The following N4BP2L2 variants were observed in gnomAD, a reference collection of about 807,000 sequenced individuals.
N4BP2L2 encodes the protein NEDD4 binding protein 2 like 2, also known as NEDD4-binding protein 2-like 2.
Under a neutral mutation model 56.2 loss-of-function variants are expected in N4BP2L2, and 50 were observed. That is an observed-to-expected ratio of 0.89 (90% confidence interval 0.71 to 1.13). N4BP2L2 has a LOEUF of 1.13. Among genes scored for constraint, N4BP2L2 ranks in the 50% most tolerant of loss-of-function variants. The pLI is 0.00. For synonymous variants in N4BP2L2, 203 were observed against 223.6 expected, an observed-to-expected ratio of 0.91 and a Z score of 0.82; for missense variants, 689 against 693.8, an observed-to-expected ratio of 0.99 and a Z score of 0.08.
chr13:32,446,645 T>C (rs185544439), intron 6 of N4BP2L2: 1 of 510,680 alleles, frequency 2.0e-6, no homozygotes, highest in East Asian at 1.5e-4. Flanking sequence ...AACAGCTCTC[T>C]ACTGTACAAA....
At chr13:32,537,633 G>A (rs935678789) in intron 1 of N4BP2L2, among the ~76,000 whole-genome samples, 1 of 152,256 alleles carries the variant, frequency 6.6e-6, no homozygotes, top group Admixed American at 6.5e-5. Flanking sequence ...GTTCCTAAAT[G>A]GGTATAGTGT....
At chr13:32,498,987 TA>T (rs34972549) in intron 6 of N4BP2L2, among the ~76,000 whole-genome samples, 54,651 of 87,142 alleles carry the variant, frequency 0.63, 15,250 homozygotes, top group Non-Finnish European at 0.67. Flanking sequence ...AGACTCTGTC[TA>T]AAAAAAAAAA....
chr13:32,493,006 T>A (rs956484654), intron 6 of N4BP2L2, among the ~76,000 whole-genome samples: 2 of 142,510 alleles, frequency 1.4e-5, no homozygotes, highest in African/African-American at 5.1e-5. Context: ...CACTGTAGCC[T>A]CTGCCTCCTG....
intron 9 of N4BP2L2, among the ~76,000 whole-genome samples, chr13:32,433,584 T>C (rs2075078150): frequency 6.6e-6 from 1 of 151,578 alleles, no homozygotes; most frequent in African/African-American, 2.4e-5. Flanking sequence ...AGTGAGCCAC[T>C]GTACTCCAGC....
intron 6 of N4BP2L2, among the ~76,000 whole-genome samples, chr13:32,484,565 C>T (rs942833464): frequency 1.3e-5 from 2 of 151,890 alleles, no homozygotes; most frequent in African/African-American, 4.8e-5. Flanking sequence ...CTCACTGCAA[C>T]CTCCGCCTCC....
At chr13:32,532,578 C>CTTATCTT (rs1257295227) in intron 2 of N4BP2L2, among the ~76,000 whole-genome samples, 1 of 146,326 alleles carries the variant, frequency 6.8e-6, no homozygotes, top group Non-Finnish European at 1.5e-5. Flanking sequence ...TCTGGATTCT[C>CTTATCTT]TTTTCTTTTT....
At chr13:32,520,677 G>GA (rs549043900) in intron 5 of N4BP2L2, among the ~76,000 whole-genome samples, 140 of 145,012 alleles carry the variant, frequency 9.7e-4, no homozygotes, top group Admixed American at 1.2e-3. Context: ...AAAAGTAAAG[G>GA]AAAAAAAAAA....
intron 6 of N4BP2L2, chr13:32,504,617 C>T (rs149497796): frequency 3.9e-5 from 6 of 152,284 alleles, no homozygotes; most frequent in Non-Finnish European, 8.8e-5. Flanking sequence ...TAAAATTCTG[C>T]CATCTGGCCC....
chr13:32,535,725 T>A, intron 2 of N4BP2L2, 44 bp downstream of exon 2: 1 of 1,559,524 alleles, frequency 6.4e-7, no homozygotes, highest in Non-Finnish European at 8.7e-7. Context: ...TTATAATTTT[T>A]AAATAATGAA....
intron 3 of N4BP2L2, chr13:32,526,818 G>GTTTTTTTTTTTTTTTTTTTTTTTTTTTT (rs35925361): frequency 4.1e-5 from 1 of 24,244 alleles, no homozygotes; most frequent in African/African-American, 1.4e-4. Context: ...CTTTTTGTCT[G>GTTTTTTTTTTTTTTTTTTTTTTTTTTTT]TTTTTTTTTT....
At chr13:32,474,453 G>A (rs989110530) in intron 6 of N4BP2L2, among the ~76,000 whole-genome samples, 1 of 151,972 alleles carries the variant, frequency 6.6e-6, no homozygotes, top group African/African-American at 2.4e-5. Flanking sequence ...ACTTTGGGAG[G>A]CCGAGGTGGG....
chr13:32,454,664 T>C (rs1390789152), intron 6 of N4BP2L2, among the ~76,000 whole-genome samples: 1 of 152,162 alleles, frequency 6.6e-6, no homozygotes, highest in Non-Finnish European at 1.5e-5. Flanking sequence ...ATAAGAACAA[T>C]GTCTCACCAA....
chr13:32,488,937 G>T (rs1478556262), intron 6 of N4BP2L2, among the ~76,000 whole-genome samples: 2 of 152,104 alleles, frequency 1.3e-5, no homozygotes, highest in Admixed American at 1.3e-4. Context: ...TAAACTCATG[G>T]TGGCACACAC....
chr13:32,526,818 G>GTTTTTTTTCTTT (rs2053007178), intron 3 of N4BP2L2: 1 of 24,234 alleles, frequency 4.1e-5, no homozygotes, highest in Non-Finnish European at 7.9e-5. Context: ...CTTTTTGTCT[G>GTTTTTTTTCTTT]TTTTTTTTTT....
chr13:32,508,483 G>C (rs1398697507), downstream of N4BP2L2: 1 of 152,110 alleles, frequency 6.6e-6, no homozygotes, highest in Non-Finnish European at 1.5e-5. Context: ...ACAAACGAGA[G>C]AGGATGGACA....
At chr13:32,483,237 T>C (rs986444068) in intron 6 of N4BP2L2, among the ~76,000 whole-genome samples, 3 of 152,172 alleles carry the variant, frequency 2.0e-5, no homozygotes, top group Admixed American at 1.3e-4. Context: ...TGTGGGAAAA[T>C]GTAGATGGGC....
chr13:32,537,174 T>C, intron 1 of N4BP2L2, 147 bp from the exon 2 acceptor site: 1 of 553,602 alleles, frequency 1.8e-6, no homozygotes, highest in Non-Finnish European at 2.9e-6. Flanking sequence ...GTCACTTTCA[T>C]AACCACTTAT....
chr13:32,522,029 C>G (rs2051105308), intron 4 of N4BP2L2, 153 bp downstream of exon 4: 1 of 589,718 alleles, frequency 1.7e-6, no homozygotes, highest in African/African-American at 2.0e-5. Context: ...AAACATCATT[C>G]ACAATTTTTT....
chr13:32,469,859 A>C (rs571770114), intron 6 of N4BP2L2, among the ~76,000 whole-genome samples: 1 of 152,330 alleles, frequency 6.6e-6, no homozygotes, highest in Non-Finnish European at 1.5e-5. Flanking sequence ...CAGTTCAGGG[A>C]GTACCTGCTG....
Sources: allele counts gnomAD v4.1 joint callset (sites outside exome capture counted in the v4.1 genomes callset), GRCh38; gene constraint gnomAD v4.1.1; transcripts MANE v1.5; gene names NCBI Gene and HGNC (gene_info 2026-07-23, HGNC 2026-07-21).